GPHN: variants seen among roughly 807,000 people sequenced by gnomAD.
GPHN encodes the protein gephyrin.
In GPHN, 17 loss-of-function variants were observed where a neutral mutation model predicts 95.5. The observed-to-expected ratio is 0.18, with a 90% CI of 0.12 to 0.27. The LOEUF (loss-of-function observed/expected upper bound fraction) is 0.27. Among genes scored for constraint, GPHN ranks in the 10% least tolerant of loss-of-function variants. The probability of loss-of-function intolerance (pLI) is 1.00; values close to 1 mark genes in which losing one functional copy is unlikely to be tolerated. For missense variants in GPHN, 660 were observed against 978.1 expected (o/e 0.67, Z 4.34); for synonymous variants, 320 against 322.5 (o/e 0.99, Z 0.08).
intron 1 of GPHN, among the ~76,000 whole-genome samples, chr14:66,608,843 C>T (rs947279832): frequency 6.6e-6 from 1 of 152,060 alleles, no homozygotes; most frequent in African/African-American, 2.4e-5. Context: ...TATGGCAGTT[C>T]TTTTTCCCTT....
At chr14:67,236,775 ATTATTTTATT>A in the GPHN span, among the ~76,000 whole-genome samples, 2 of 150,718 alleles carry the variant, frequency 1.3e-5, no homozygotes, top group Non-Finnish European at 3.0e-5. Context: ...TTGTTATTTT[ATTATTTTATT>A]TTATTTTATT....
At position 66,716,691 on chromosome 14, in the gene GPHN, G is replaced by A. The variant is rs536104731; in HGVS notation, c.143+35506G>A. On this transcript the variant is annotated intron_variant, in intron 2 of 22. Coordinates refer to ENST00000478722, the MANE Select transcript of GPHN (RefSeq NM_020806.5). The stretch of plus-strand genomic sequence containing the variant: ...GTTTCAAGATTTAGAACTTCTTTTA[G>A]CAGTTCTTGTAGTGGTGGCTTGGTA... 1.6e-4 allele frequency among the ~76,000 whole-genome samples: 25 copies of A among 152,194 alleles called. No homozygotes were observed. The South Asian group carries it at 5.0e-3, about 30-fold the overall frequency.
chr14:67,475,997 C>T, the GPHN span, among the ~76,000 whole-genome samples: 1 of 152,222 alleles, frequency 6.6e-6, no homozygotes, highest in South Asian at 2.1e-4. Context: ...ATGACATGTC[C>T]TGTTCATGTG....
intron 2 of GPHN, among the ~76,000 whole-genome samples, chr14:66,681,446 C>CT (rs1437758783): frequency 3.9e-5 from 6 of 152,056 alleles, no homozygotes; most frequent in African/African-American, 1.4e-4. Context: ...GCAGTAGCTA[C>CT]TAGCCAAGAA....
intron 1 of GPHN, among the ~76,000 whole-genome samples, chr14:66,643,054 C>T (rs1166180249): frequency 6.6e-6 from 1 of 151,818 alleles, no homozygotes; most frequent in Admixed American, 6.6e-5. Context: ...ATACATATAT[C>T]CAACAAAGGA....
chr14:66,683,365 TATA>T (rs1223205668), intron 2 of GPHN, among the ~76,000 whole-genome samples: 1 of 101,962 alleles, frequency 9.8e-6, no homozygotes, highest in African/African-American at 5.3e-5. Context: ...TATATATATA[TATA>T]TATATATATA....
At chr14:67,014,035 A>C (rs568107886) in intron 9 of GPHN, among the ~76,000 whole-genome samples, 2 of 152,032 alleles carry the variant, frequency 1.3e-5, no homozygotes, top group Admixed American at 6.6e-5. Flanking sequence ...TCCTGTTCAC[A>C]TACTCACCTA....
the GPHN span, among the ~76,000 whole-genome samples, chr14:67,656,823 G>A: frequency 1.3e-5 from 2 of 152,072 alleles, no homozygotes; most frequent in South Asian, 2.1e-4. Context: ...TTACACTTAC[G>A]CGAGGCAAGG....
intron 8 of GPHN, 72 bp from the exon 9 acceptor site, chr14:66,965,119 C>G: frequency 1.5e-6 from 2 of 1,313,862 alleles, no homozygotes; most frequent in Non-Finnish European, 2.2e-6. Flanking sequence ...AATGCTAAAA[C>G]AAAGGGGGTC....
chr14:67,315,445 G>A, the GPHN span, among the ~76,000 whole-genome samples: 2 of 151,648 alleles, frequency 1.3e-5, no homozygotes, highest in Non-Finnish European at 2.9e-5. Context: ...CCCAGCTGAT[G>A]TTTTGTATTT....
chr14:67,646,301 T>A, the GPHN span: 5 of 258,608 alleles, frequency 1.9e-5, no homozygotes, highest in African/African-American at 1.1e-4. Context: ...GCAACCAGGT[T>A]ATGCTTCAAG....
chr14:66,521,763 G>T (rs2058493111), intron 1 of GPHN, among the ~76,000 whole-genome samples: 1 of 152,056 alleles, frequency 6.6e-6, no homozygotes, highest in South Asian at 2.1e-4. Flanking sequence ...TCACAGGGTG[G>T]GGTGGGATAG....
At chr14:66,852,082 A>G (rs979198593) in intron 4 of GPHN, among the ~76,000 whole-genome samples, 1 of 152,364 alleles carries the variant, frequency 6.6e-6, no homozygotes, top group Non-Finnish European at 1.5e-5. Flanking sequence ...ATAAAGAAAA[A>G]TAATAGAATT....
At chr14:66,566,458 A>G (rs2060466332) in intron 1 of GPHN, among the ~76,000 whole-genome samples, 1 of 152,164 alleles carries the variant, frequency 6.6e-6, no homozygotes, top group African/African-American at 2.4e-5. Context: ...GAGGAATTGT[A>G]TTGACAGGGT....
intron 5 of GPHN, among the ~76,000 whole-genome samples, chr14:66,880,959 AAAAT>A: frequency 6.6e-6 from 1 of 152,118 alleles, no homozygotes; most frequent in Non-Finnish European, 1.5e-5. Context: ...GAGCAACCTA[AAAAT>A]AAATAGCAGC....
chr14:67,429,761 C>T, the GPHN span, among the ~76,000 whole-genome samples: 7 of 151,974 alleles, frequency 4.6e-5, no homozygotes, highest in Admixed American at 2.6e-4. Flanking sequence ...ACAGCAACAA[C>T]AACAAAAATG....
the GPHN span, among the ~76,000 whole-genome samples, chr14:67,459,584 G>A: frequency 6.6e-6 from 1 of 152,182 alleles, no homozygotes; most frequent in Non-Finnish European, 1.5e-5. Context: ...TGCTTAGAAG[G>A]TCTTACTGGC....
intron 1 of GPHN, among the ~76,000 whole-genome samples, chr14:66,605,578 G>A (rs528941861): frequency 1.2e-3 from 166 of 135,524 alleles, no homozygotes; most frequent in African/African-American, 4.4e-3. Flanking sequence ...CGCCCAGACT[G>A]GAGTGCAGTG....
At chr14:67,099,379 C>T (rs2077570475) in intron 12 of GPHN, among the ~76,000 whole-genome samples, 2 of 151,846 alleles carry the variant, frequency 1.3e-5, no homozygotes, top group Non-Finnish European at 2.9e-5. Flanking sequence ...CCCGGGCCTC[C>T]CAAAGTGCTG....
Sources: gnomAD v4.1 joint callset for allele counts (sites outside exome capture counted in the v4.1 genomes callset) on GRCh38, gnomAD v4.1.1 for gene constraint, MANE v1.5 for transcripts, NCBI Gene and HGNC (gene_info 2026-07-23, HGNC 2026-07-21) for gene names.